TMTC2: variants seen among roughly 807,000 people sequenced by gnomAD.
The protein encoded by TMTC2 is protein O-mannosyl-transferase TMTC2.
In TMTC2, 43 loss-of-function variants were observed where a neutral mutation model predicts 82.4. The ratio of observed to expected loss-of-function variants is 0.52; its 90% CI spans 0.41 to 0.67. The LOEUF is 0.67. TMTC2 is among the 30% of genes least tolerant of loss of function. The pLI is 0.00. For synonymous variants in TMTC2, 408 were observed against 381.9 expected, an observed-to-expected ratio of 1.07 and a Z score of -0.80; for missense variants, 919 against 1,012.4, an observed-to-expected ratio of 0.91 and a Z score of 1.25.
intron 3 of TMTC2, among the ~76,000 whole-genome samples, chr12:82,914,817 ATTTT>A (rs71068958): frequency 2.0e-4 from 17 of 86,426 alleles, no homozygotes; most frequent in African/African-American, 7.0e-4. Flanking sequence ...CAACTCACTT[ATTTT>A]TTTTTTTTTT....
chr12:83,082,657 C>T (rs1321157633), intron 11 of TMTC2, among the ~76,000 whole-genome samples: 1 of 152,092 alleles, frequency 6.6e-6, no homozygotes. Context: ...ATAACAGCAT[C>T]AAATTTATTA....
chr12:82,985,041 A>G (rs913851042), intron 7 of TMTC2, among the ~76,000 whole-genome samples: 1 of 151,920 alleles, frequency 6.6e-6, no homozygotes, highest in Non-Finnish European at 1.5e-5. Context: ...ATTAATCATA[A>G]TTTTAATTAT....
chr12:82,838,462 A>T (rs533522369), intron 1 of TMTC2, among the ~76,000 whole-genome samples: 10 of 152,354 alleles, frequency 6.6e-5, no homozygotes, highest in South Asian at 4.1e-4. Context: ...GGAGCCCATT[A>T]AGCAGTGTTG....
intron 10 of TMTC2, among the ~76,000 whole-genome samples, chr12:83,060,645 G>A (rs78479423): frequency 6.6e-6 from 1 of 151,716 alleles, no homozygotes; most frequent in Admixed American, 6.6e-5. Context: ...CATTTTTTCT[G>A]TACCCTTCAA....
chr12:82,933,109 G>A (rs1268248448), intron 4 of TMTC2, among the ~76,000 whole-genome samples: 1 of 152,088 alleles, frequency 6.6e-6, no homozygotes, highest in East Asian at 1.9e-4. Flanking sequence ...ATAGTTCCAC[G>A]ATATTTTTTA....
At chr12:82,991,256 G>A (rs1367598530) in intron 8 of TMTC2, among the ~76,000 whole-genome samples, 1 of 151,816 alleles carries the variant, frequency 6.6e-6, no homozygotes, top group Admixed American at 6.6e-5. Context: ...TTCCCATTTG[G>A]TGTATGTGAT....
intron 4 of TMTC2, among the ~76,000 whole-genome samples, chr12:82,950,697 T>C (rs1165056834): frequency 6.6e-6 from 1 of 152,240 alleles, no homozygotes; most frequent in Non-Finnish European, 1.5e-5. Flanking sequence ...GAAGCCTCTT[T>C]GTAATGAATA....
intron 2 of TMTC2, among the ~76,000 whole-genome samples, chr12:82,872,015 C>G (rs1872215890): frequency 7.4e-6 from 1 of 135,660 alleles, no homozygotes; most frequent in African/African-American, 3.0e-5. Context: ...ACCCCCCCCC[C>G]CGCCCACACC....
chr12:83,016,498 T>A (rs1880687058), intron 8 of TMTC2, among the ~76,000 whole-genome samples: 1 of 152,220 alleles, frequency 6.6e-6, no homozygotes, highest in African/African-American at 2.4e-5. Context: ...TAATCTTCAA[T>A]TTGATAAGGG....
At chr12:83,072,483 G>A (rs940607934) in intron 11 of TMTC2, among the ~76,000 whole-genome samples, 17 of 152,260 alleles carry the variant, frequency 1.1e-4, no homozygotes, top group Admixed American at 9.8e-4. Flanking sequence ...TTCTACAGTT[G>A]TTGGATGTAA....
chr12:82,924,797 CT>C (rs780104110), intron 3 of TMTC2, among the ~76,000 whole-genome samples: 41 of 152,142 alleles, frequency 2.7e-4, no homozygotes, highest in Non-Finnish European at 5.0e-4. Context: ...CAGTGAGTAC[CT>C]TCTCTGCAGA....
chr12:82,715,601 A>G (rs1873859806), intron 1 of TMTC2, among the ~76,000 whole-genome samples: 1 of 152,216 alleles, frequency 6.6e-6, no homozygotes, highest in African/African-American at 2.4e-5. Context: ...ATGAAAACTC[A>G]GAGAAGCAAC....
chr12:83,036,902 G>A (rs1881685635), intron 9 of TMTC2, among the ~76,000 whole-genome samples: 1 of 152,048 alleles, frequency 6.6e-6, no homozygotes, highest in Admixed American at 6.6e-5. Flanking sequence ...AGAACCCAAG[G>A]GGCATCCAGG....
At chr12:82,937,908 C>CT (rs778770178) in intron 4 of TMTC2, among the ~76,000 whole-genome samples, 386 of 36,570 alleles carry the variant, frequency 0.011, 3 homozygotes, top group Non-Finnish European at 0.02. Context: ...AGATTCAAAC[C>CT]TTTTTTTTTT....
chr12:82,757,749 A>G (rs1362969172), intron 1 of TMTC2, among the ~76,000 whole-genome samples: 7 of 152,222 alleles, frequency 4.6e-5, no homozygotes, highest in African/African-American at 1.7e-4. Flanking sequence ...CCACATGCAA[A>G]TGCATTGCAA....
At chr12:82,988,791 A>G (rs1223382583) in intron 8 of TMTC2, among the ~76,000 whole-genome samples, 1 of 149,768 alleles carries the variant, frequency 6.7e-6, no homozygotes, top group Non-Finnish European at 1.5e-5. Context: ...TCAAATACCT[A>G]CATTTAGAGG....
intron 3 of TMTC2, among the ~76,000 whole-genome samples, chr12:82,918,537 G>A (rs1441170600): frequency 1.3e-5 from 2 of 152,088 alleles, no homozygotes; most frequent in African/African-American, 2.4e-5. Context: ...GCTGAAGCAC[G>A]AAACAAGAAT....
chr12:82,773,171 T>C (rs945671103), intron 1 of TMTC2, among the ~76,000 whole-genome samples: 7 of 152,226 alleles, frequency 4.6e-5, no homozygotes, highest in African/African-American at 1.2e-4. Flanking sequence ...CTCACTGTTA[T>C]TCCTGAGTTA....
intron 3 of TMTC2, among the ~76,000 whole-genome samples, chr12:82,904,474 T>C (rs2137197078): frequency 6.6e-6 from 1 of 152,308 alleles, no homozygotes; most frequent in South Asian, 2.1e-4. Context: ...TAAATCTGGA[T>C]AGTGGAGAAA....
Sources: allele counts gnomAD v4.1 joint callset (sites outside exome capture counted in the v4.1 genomes callset), GRCh38; gene constraint gnomAD v4.1.1; transcripts MANE v1.5; gene names NCBI Gene and HGNC (gene_info 2026-07-23, HGNC 2026-07-21).